Variants in MACC1 observed in about 807,000 individuals in gnomAD.
MACC1 encodes the protein metastasis-associated in colon cancer protein 1.
Under a neutral mutation model 70.7 loss-of-function variants are expected in MACC1, and 79 were observed. The ratio of observed to expected loss-of-function variants is 1.12; its 90% CI spans 0.93 to 1.35. The LOEUF is 1.35. Ranked by LOEUF, MACC1 falls within the 40% of genes most tolerant of loss-of-function variation. The pLI is 0.00. For missense variants in MACC1, 1,106 were observed against 978.1 expected, an observed-to-expected ratio of 1.13 and a Z score of -1.74; for synonymous variants, 361 against 347.2, an observed-to-expected ratio of 1.04 and a Z score of -0.44.
At chr7:20,196,501 T>C (rs1311843282) in intron 1 of MACC1, among the ~76,000 whole-genome samples, 1 of 152,116 alleles carries the variant, frequency 6.6e-6, no homozygotes, top group African/African-American at 2.4e-5. Flanking sequence ...TTATTGACTA[T>C]ATACTTTTGT....
intron 5 of MACC1, among the ~76,000 whole-genome samples, chr7:20,155,967 C>A (rs957426393): frequency 3.3e-5 from 5 of 152,182 alleles, no homozygotes; most frequent in African/African-American, 9.7e-5. Flanking sequence ...CACAGTATCT[C>A]TATTTAATGA....
intron 1 of MACC1, among the ~76,000 whole-genome samples, chr7:20,201,524 T>C (rs552277140): frequency 2.0e-5 from 3 of 152,248 alleles, no homozygotes; most frequent in African/African-American, 7.2e-5. Flanking sequence ...AGGCTGGTCA[T>C]GACATACTTA....
chr7:20,139,441 A>G lies in MACC1; in HGVS notation c.*1505T>C, dbSNP rs911351212. On this transcript the variant is annotated 3_prime_UTR_variant, in exon 7 of 7. Transcript: ENST00000400331. The stretch of plus-strand genomic sequence containing the variant: ...CACATGATGGCATCTCTACGTTTAT[A>G]TCTCGTAGCATCACAGCCTCTCCAT... The G allele has an allele frequency of 5.9e-5, 9 of 151,972 alleles. No homozygotes were observed. Among genetic ancestry groups the G allele is most frequent in the African/African-American group, 2.2e-4 (9 of 41,352 alleles). The allele number at this position is 151,972 out of a possible 1,614,324, so 9.4% of individuals were successfully genotyped here.
At chr7:20,172,151 A>G (rs1292050146) in intron 1 of MACC1, among the ~76,000 whole-genome samples, 2 of 152,240 alleles carry the variant, frequency 1.3e-5, no homozygotes, top group African/African-American at 4.8e-5. Context: ...GGAAACATTT[A>G]TAGTGTAAAA....
In MACC1 at chr7:20,160,050, C is replaced by G. The variant is rs1461424703; in HGVS notation, c.311G>C (p.Cys104Ser). The change falls in exon 5 of 7, where the codon TGT becomes TCT. Residue 104 changes from cysteine to serine, a missense_variant. Coordinates refer to ENST00000400331, the MANE Select transcript of MACC1 (RefSeq NM_182762.4). ...AGAATTTCCATTTTCTATTTCTCTA[C>G]AGAAAAGAAAAGGATCTTCCTTTAA... ...SILKEDPFLF[C>S]REIENGNSFD... 3.1e-6 allele frequency: 5 copies of G among 1,610,254 alleles called. No individual in the cohort carries two copies. In the African/African-American group the frequency reaches 6.7e-5, roughly 22 times the overall value.
intron 1 of MACC1, among the ~76,000 whole-genome samples, chr7:20,208,655 A>G (rs56261309): frequency 0.088 from 13,368 of 152,268 alleles, 675 homozygotes; most frequent in Non-Finnish European, 0.12. Context: ...GATGTGATAA[A>G]AAAGAAAAAC....
chr7:20,198,220 T>G (rs1487440425), intron 1 of MACC1, among the ~76,000 whole-genome samples: 1 of 152,160 alleles, frequency 6.6e-6, no homozygotes, highest in Non-Finnish European at 1.5e-5. Context: ...AGCAAACCAT[T>G]ACCAAAGAGA....
chr7:20,203,971 G>C (rs992952703), intron 1 of MACC1, among the ~76,000 whole-genome samples: 1 of 152,048 alleles, frequency 6.6e-6, no homozygotes, highest in African/African-American at 2.4e-5. Context: ...AAAAAAGGAA[G>C]CCAGACATGT....
At position 20,159,910 on chromosome 7, in the gene MACC1, CTG is replaced by C. The variant is rs1173492693; in HGVS notation, c.449_450del (p.Thr150SerfsTer9). ...VSELLDILDD[T>X]AHAHQSIHNS... ...TTATGTATACTCTGATGGGCATGTG[CTG>C]TGTCGTCTAAAATGTCCAGAAGTTC... On this transcript the variant is annotated frameshift_variant, in exon 5 of 7. Transcript: ENST00000400331. LOFTEE classifies it high-confidence loss of function. The C allele has an allele frequency of 6.2e-7, 1 of 1,614,018 alleles. No homozygotes were observed. Among genetic ancestry groups the C allele is most frequent in the Admixed American group, 1.7e-5 (1 of 59,976 alleles).
At chr7:20,151,106 T>C (rs552829377) in intron 6 of MACC1, among the ~76,000 whole-genome samples, 8 of 149,366 alleles carry the variant, frequency 5.4e-5, no homozygotes, top group African/African-American at 1.5e-4. Context: ...TTGGTGAATA[T>C]GTGTCCTTAT....
At chr7:20,214,910 C>T (rs1159087025) in intron 1 of MACC1, among the ~76,000 whole-genome samples, 1 of 152,108 alleles carries the variant, frequency 6.6e-6, no homozygotes, top group African/African-American at 2.4e-5. Context: ...CCCATCTCAA[C>T]TCTGCACATT....
chr7:20,203,285 C>T (rs1371366222), intron 1 of MACC1, among the ~76,000 whole-genome samples: 1 of 152,200 alleles, frequency 6.6e-6, no homozygotes, highest in East Asian at 1.9e-4. Context: ...AAGTGCGTAT[C>T]TCCTCTTTTT....
At chr7:20,194,108 C>T (rs988109868) in intron 1 of MACC1, among the ~76,000 whole-genome samples, 3 of 152,076 alleles carry the variant, frequency 2.0e-5, no homozygotes, top group African/African-American at 7.2e-5. Context: ...ACAGAACTAC[C>T]CACATCCTAT....
At chr7:20,203,225 C>T (rs1281317498) in intron 1 of MACC1, among the ~76,000 whole-genome samples, 2 of 152,108 alleles carry the variant, frequency 1.3e-5, no homozygotes, top group Non-Finnish European at 2.9e-5. Flanking sequence ...AAGACTGATC[C>T]TCCCCTCCCC....
chr7:20,205,692 T>TTTTG (rs745390461), intron 1 of MACC1, among the ~76,000 whole-genome samples: 3 of 152,188 alleles, frequency 2.0e-5, no homozygotes, highest in Non-Finnish European at 4.4e-5. Flanking sequence ...CTCAAGGGTT[T>TTTTG]TTTGTTTGTT....
At chr7:20,181,678 A>G (rs1048219336) in intron 1 of MACC1, among the ~76,000 whole-genome samples, 3 of 152,184 alleles carry the variant, frequency 2.0e-5, no homozygotes, top group Non-Finnish European at 2.9e-5. Context: ...TACCACAATT[A>G]ATGATAAAAT....
chr7:20,199,869 A>G (rs138757053), intron 1 of MACC1, among the ~76,000 whole-genome samples: 101 of 152,352 alleles, frequency 6.6e-4, no homozygotes, highest in African/African-American at 2.4e-3. Flanking sequence ...TAAATGTTCT[A>G]TAAAATGAAT....
chr7:20,156,722 A>AT, intron 5 of MACC1, among the ~76,000 whole-genome samples: 1 of 152,352 alleles, frequency 6.6e-6, no homozygotes, highest in East Asian at 1.9e-4. Context: ...TTCTCTAAGT[A>AT]TCACTGTAGA....
Position 20,138,998 on chromosome 7 carries a change from A to G in MACC1, c.*1948T>C, listed in dbSNP as rs1432457003. ...AGATTATTCTTAAACGCCAATTTGA[A>G]TTACCATTGCCAGCATACCAAATAT... On this transcript the variant is annotated 3_prime_UTR_variant, in exon 7 of 7. Transcript: ENST00000400331. 6.6e-6 allele frequency: 1 copy of G among 152,156 alleles called. No homozygotes were observed. Among genetic ancestry groups the G allele is most frequent in the Non-Finnish European group, 1.5e-5 (1 of 68,032 alleles). The allele number at this position is 152,156 out of a possible 1,614,324, so 9.4% of individuals were successfully genotyped here. A position where few individuals can be genotyped will look rare whatever the true frequency, so the allele number is the denominator to read the frequency against.
Sources: gnomAD v4.1 joint callset for allele counts (sites outside exome capture counted in the v4.1 genomes callset) on GRCh38, gnomAD v4.1.1 for gene constraint, MANE v1.5 for transcripts, NCBI Gene and HGNC (gene_info 2026-07-23, HGNC 2026-07-21) for gene names.